The following MYO9A variants were observed in gnomAD, a reference collection of about 807,000 sequenced individuals.
MYO9A encodes myosin IXA, also known as unconventional myosin-IXa.
MYO9A carries 103 observed loss-of-function variants against 293.3 expected under a neutral mutation model. That is an observed-to-expected ratio of 0.35 (90% CI 0.30 to 0.41). The LOEUF (loss-of-function observed/expected upper bound fraction) is 0.41, where lower values mean the gene tolerates loss of function less well. Ranked by LOEUF, MYO9A falls within the 10% of genes least tolerant of loss-of-function variation. The pLI is 1.00. For missense variants in MYO9A, 2,685 were observed against 3,033.0 expected, an observed-to-expected ratio of 0.89 and a Z score of 2.69; for synonymous variants, 1,001 against 1,035.7, an observed-to-expected ratio of 0.97 and a Z score of 0.64.
intron 18 of MYO9A, among the ~76,000 whole-genome samples, chr15:71,929,212 AC>A (rs1158383831): frequency 2.0e-5 from 3 of 152,200 alleles, no homozygotes; most frequent in Non-Finnish European, 2.9e-5. Context: ...TTTCTATATA[AC>A]ATTATGTTGT....
chr15:71,893,552 T>C, intron 26 of MYO9A, 127 bp downstream of exon 26: 1 of 729,178 alleles, frequency 1.4e-6, no homozygotes, highest in Non-Finnish European at 2.2e-6. Flanking sequence ...CGCTCATGGC[T>C]TCTTTCTCTA....
chr15:72,028,256 T>C (rs1272852340), intron 3 of MYO9A, among the ~76,000 whole-genome samples: 2 of 147,090 alleles, frequency 1.4e-5, no homozygotes, highest in Admixed American at 1.4e-4. Flanking sequence ...TATATGTACA[T>C]ACTATTATAA....
At chr15:71,975,093 T>C (rs183011998) in intron 12 of MYO9A, among the ~76,000 whole-genome samples, 6 of 152,350 alleles carry the variant, frequency 3.9e-5, no homozygotes, top group African/African-American at 1.4e-4. Context: ...CTCCTGCTTC[T>C]GGAATCTGAC....
At chr15:71,995,501 G>GT (rs2076672608) in intron 9 of MYO9A, among the ~76,000 whole-genome samples, 1 of 150,302 alleles carries the variant, frequency 6.7e-6, no homozygotes, top group African/African-American at 2.5e-5. Context: ...CTATTTTCCT[G>GT]TAAGTCTGAA....
chr15:72,020,850 A>G (rs2077482553), intron 5 of MYO9A, 68 bp downstream of exon 5: 1 of 989,094 alleles, frequency 1.0e-6, no homozygotes, highest in African/African-American at 1.7e-5. Context: ...GTACTAGAAA[A>G]AAGACATTTT....
intron 34 of MYO9A, among the ~76,000 whole-genome samples, chr15:71,857,383 G>T (rs1259126465): frequency 6.6e-6 from 1 of 151,938 alleles, no homozygotes; most frequent in African/African-American, 2.4e-5. Flanking sequence ...ATTGAGCTGT[G>T]ACATACACAC....
intron 1 of MYO9A, among the ~76,000 whole-genome samples, chr15:72,060,813 A>C (rs1468097522): frequency 6.6e-6 from 1 of 152,122 alleles, no homozygotes; most frequent in Admixed American, 6.5e-5. Context: ...TGCACTTGGA[A>C]TCAGTGGACT....
chr15:71,915,734 G>A (rs1242762429), intron 19 of MYO9A, among the ~76,000 whole-genome samples: 2 of 151,720 alleles, frequency 1.3e-5, no homozygotes, highest in African/African-American at 2.4e-5. Flanking sequence ...CATGAAATAG[G>A]GTAAAATTAT....
chr15:72,068,368 A>G (rs189038299), intron 1 of MYO9A, among the ~76,000 whole-genome samples: 3 of 152,310 alleles, frequency 2.0e-5, no homozygotes, highest in Admixed American at 2.0e-4. Flanking sequence ...ACTTCATTTA[A>G]TAAGAAATAT....
At chr15:72,035,593 A>G (rs1172860987) in intron 2 of MYO9A, among the ~76,000 whole-genome samples, 1 of 152,202 alleles carries the variant, frequency 6.6e-6, no homozygotes, top group Non-Finnish European at 1.5e-5. Flanking sequence ...GCTTGAAGCC[A>G]GGAGTTTGAG....
chr15:71,932,243 T>A (rs1405353051), intron 18 of MYO9A, among the ~76,000 whole-genome samples: 1 of 152,112 alleles, frequency 6.6e-6, no homozygotes, highest in Non-Finnish European at 1.5e-5. Flanking sequence ...ATATTTTAGA[T>A]CAGACTGCAT....
At chr15:71,928,643 C>T (rs1404437208) in intron 18 of MYO9A, among the ~76,000 whole-genome samples, 6 of 151,882 alleles carry the variant, frequency 4.0e-5, no homozygotes, top group South Asian at 2.1e-4. Flanking sequence ...TTTTTGTATA[C>T]AGATTTTTAA....
chr15:71,957,280 T>C (rs1871834), intron 14 of MYO9A, among the ~76,000 whole-genome samples: 140,233 of 152,128 alleles, frequency 0.92, 65,038 homozygotes, highest in Non-Finnish European at 0.97. Context: ...CTTGTATAAA[T>C]ACTTCTCAGG....
chr15:71,970,812 G>A (rs575643140), intron 12 of MYO9A, among the ~76,000 whole-genome samples: 5 of 152,180 alleles, frequency 3.3e-5, no homozygotes, highest in Admixed American at 1.3e-4. Context: ...TTATCTCCCT[G>A]ATATTTATGG....
At chr15:71,867,355 A>T (rs1273975785) in intron 32 of MYO9A, among the ~76,000 whole-genome samples, 2 of 152,170 alleles carry the variant, frequency 1.3e-5, no homozygotes, top group Non-Finnish European at 2.9e-5. Context: ...CTTAACTATG[A>T]CTCAAAATTC....
At chr15:72,015,823 G>C (rs907107104) in intron 6 of MYO9A, among the ~76,000 whole-genome samples, 1 of 151,796 alleles carries the variant, frequency 6.6e-6, no homozygotes, top group Non-Finnish European at 1.5e-5. Flanking sequence ...GAGTAGCTGG[G>C]ACTACAGGCG....
chr15:72,034,386 T>C (rs2077976562), intron 2 of MYO9A, among the ~76,000 whole-genome samples: 2 of 152,230 alleles, frequency 1.3e-5, no homozygotes, highest in African/African-American at 2.4e-5. Flanking sequence ...TTACTATGTC[T>C]TAAGAAATTA....
intron 19 of MYO9A, among the ~76,000 whole-genome samples, chr15:71,906,766 T>C (rs867078349): frequency 2.6e-5 from 3 of 113,980 alleles, no homozygotes; most frequent in African/African-American, 7.3e-5. Context: ...TTCTTTTTTT[T>C]TTTTTTTTTT....
At chr15:72,057,206 T>A (rs997005041) in intron 1 of MYO9A, among the ~76,000 whole-genome samples, 1 of 151,950 alleles carries the variant, frequency 6.6e-6, no homozygotes, top group South Asian at 2.1e-4. Context: ...GAGGCGGAGG[T>A]TGCAGTGAGC....
Sources: gnomAD v4.1 joint callset for allele counts (sites outside exome capture counted in the v4.1 genomes callset) on GRCh38, gnomAD v4.1.1 for gene constraint, MANE v1.5 for transcripts, NCBI Gene and HGNC (gene_info 2026-07-23, HGNC 2026-07-21) for gene names.